The following ZMYM2 variants were observed in gnomAD, a reference collection of about 807,000 sequenced individuals.
ZMYM2 encodes zinc finger MYM-type protein 2.
ZMYM2 carries 56 observed loss-of-function variants against 162.8 expected under a neutral mutation model. The ratio of observed to expected loss-of-function variants is 0.34; its 90% CI spans 0.28 to 0.43. The LOEUF (loss-of-function observed/expected upper bound fraction) is 0.43, where lower values mean the gene tolerates loss of function less well. Among genes scored for constraint, ZMYM2 ranks in the 20% least tolerant of loss-of-function variants. The probability of loss-of-function intolerance (pLI) is 1.00; values close to 1 mark genes in which losing one functional copy is unlikely to be tolerated. For missense variants in ZMYM2, 1,275 were observed against 1,621.8 expected, an observed-to-expected ratio of 0.79 and a Z score of 3.67; for synonymous variants, 510 against 541.6, an observed-to-expected ratio of 0.94 and a Z score of 0.81.
chr13:19,961,243 CAT>C (rs1481844102), intron 2 of ZMYM2, among the ~76,000 whole-genome samples: 2 of 151,766 alleles, frequency 1.3e-5, no homozygotes, highest in African/African-American at 4.8e-5. Flanking sequence ...TAGTTTTTAA[CAT>C]GTGTTAAGTA....
the ZMYM2 span, among the ~76,000 whole-genome samples, chr13:19,948,730 C>T: frequency 2.0e-4 from 30 of 152,302 alleles, no homozygotes; most frequent in East Asian, 2.7e-3. Context: ...TGTAACAAAA[C>T]GTACCACTCT....
the ZMYM2 span, among the ~76,000 whole-genome samples, chr13:19,886,675 G>A: frequency 1.3e-5 from 2 of 151,368 alleles, no homozygotes; most frequent in Non-Finnish European, 2.9e-5. Context: ...TTGAGACAGG[G>A]TCTCATTCTG....
At chr13:20,049,312 T>G (rs1955100452) in intron 12 of ZMYM2, among the ~76,000 whole-genome samples, 1 of 151,958 alleles carries the variant, frequency 6.6e-6, no homozygotes, top group Non-Finnish European at 1.5e-5. Flanking sequence ...AGAAGGGAGC[T>G]TCAAGTGTTG....
chr13:19,873,725 T>A, the ZMYM2 span, among the ~76,000 whole-genome samples: 2 of 150,750 alleles, frequency 1.3e-5, no homozygotes, highest in Admixed American at 1.3e-4. Flanking sequence ...ATTTTAAACA[T>A]GTTCCTCTGG....
the ZMYM2 span, among the ~76,000 whole-genome samples, chr13:19,888,630 C>T: frequency 6.6e-6 from 1 of 151,700 alleles, no homozygotes; most frequent in African/African-American, 2.4e-5. Flanking sequence ...ACAGAGTTTG[C>T]CTCTTGTTCC....
At chr13:20,058,502 A>G in intron 14 of ZMYM2, 73 bp from the exon 15 acceptor site, 1 of 1,522,664 alleles carries the variant, frequency 6.6e-7, no homozygotes, top group Admixed American at 2.2e-5. Flanking sequence ...AGGACTGAAA[A>G]TCCTTCATTG....
intron 11 of ZMYM2, among the ~76,000 whole-genome samples, chr13:20,035,583 A>G (rs372912130): frequency 6.6e-6 from 1 of 152,212 alleles, no homozygotes; most frequent in Non-Finnish European, 1.5e-5. Flanking sequence ...TATGTCATTA[A>G]TTGTCTACCA....
upstream of ZMYM2, among the ~76,000 whole-genome samples, chr13:19,957,795 T>C (rs1954645361): frequency 6.6e-6 from 1 of 152,164 alleles, no homozygotes; most frequent in Non-Finnish European, 1.5e-5. Context: ...CTCCAACCGG[T>C]GGGAGCCCAG....
intron 3 of ZMYM2, 26 bp downstream of exon 3, chr13:19,993,945 C>A: frequency 6.4e-7 from 1 of 1,572,168 alleles, no homozygotes. Context: ...TACTCTACTT[C>A]ATGTAAATGA....
Position 20,039,783 on chromosome 13 carries a change from T to C in ZMYM2, c.2292+2874T>C, listed in dbSNP as rs564465138. Among the ~76,000 whole-genome samples, 6 of 152,278 alleles carry C rather than the reference T, an allele frequency of 3.9e-5. No homozygotes were observed. In the South Asian group the frequency reaches 1.0e-3, roughly 26 times the overall value. ...GAGCCACCGTCCCCAGCCTATTGAG[T>C]TTTTAACATGAAGGATGTTGAATTT... On this transcript the variant is annotated intron_variant, in intron 12 of 24. Coordinates refer to ENST00000610343, the MANE Select transcript of ZMYM2 (RefSeq NM_197968.4).
Position 19,976,346 on chromosome 13 carries a change from A to G in ZMYM2, c.-11+16320A>G, listed in dbSNP as rs147034700. Among the ~76,000 whole-genome samples the G allele has an allele frequency of 7.5e-3, 1,132 of 151,878 alleles. 12 individuals carry two copies. The highest frequency in any genetic ancestry group is 0.025 in the African/African-American group (1,031 of 41,454). ...CACCTCAAAAAAAAAAAAAGAAAGA[A>G]AGAAAGAAAGAAAAATAGCAATCCT... is the stretch of plus-strand genomic sequence containing the variant. On this transcript the variant is annotated intron_variant, in intron 2 of 24. Coordinates refer to ENST00000610343, the MANE Select transcript of ZMYM2 (RefSeq NM_197968.4).
At chr13:20,016,071 AC>A (rs1951601277) in intron 6 of ZMYM2, among the ~76,000 whole-genome samples, 1 of 151,476 alleles carries the variant, frequency 6.6e-6, no homozygotes, top group African/African-American at 2.4e-5. Context: ...TATATTCTAT[AC>A]CTTTTTTTTG....
In ZMYM2 at chr13:20,026,615, T is replaced by C. The variant is rs749720572; in HGVS notation, c.1588T>C (p.Tyr530His). 1 of 1,584,082 alleles carries C rather than the reference T, an allele frequency of 6.3e-7. No homozygotes were observed. The highest frequency in any genetic ancestry group is 2.0e-5 in the Admixed American group (1 of 49,474). The stretch of plus-strand genomic sequence containing the variant: ...CTTTTTATGTTTCAAATTTTAGAAA[T>C]ATGGAAAACTGACAACTTGTACTGG... ...QDSFLMQPEK[Y>H]GKLTTCTGCR... The change falls in exon 8 of 25, where the codon TAT becomes CAT. Residue 530 changes from tyrosine (Y) to histidine (H), a missense_variant. Physicochemically the swap from Tyr to His is moderately conservative, Grantham distance 83. Around this residue, in one of 10 missense-constraint regions of ZMYM2, gnomAD observed 276 missense variants for 311.8 expected, o/e 0.89. Coordinates refer to ENST00000610343, the MANE Select transcript of ZMYM2 (RefSeq NM_197968.4).
the ZMYM2 span, among the ~76,000 whole-genome samples, chr13:19,897,810 A>G: frequency 2.0e-5 from 3 of 152,132 alleles, no homozygotes; most frequent in Admixed American, 1.3e-4. Context: ...AAATTATACC[A>G]ATTATAAATA....
At chr13:20,066,128 G>T (rs1030862715) in intron 19 of ZMYM2, among the ~76,000 whole-genome samples, 16 of 152,286 alleles carry the variant, frequency 1.1e-4, no homozygotes, top group African/African-American at 3.9e-4. Context: ...AGGAATACCA[G>T]TCAGTTCAAA....
chr13:20,049,444 T>C (rs1955114811), intron 12 of ZMYM2, among the ~76,000 whole-genome samples: 1 of 152,012 alleles, frequency 6.6e-6, no homozygotes, highest in Admixed American at 6.6e-5. Flanking sequence ...TAAACGGAAA[T>C]ACTACTACTA....
chr13:19,975,255 A>G (rs1193410778), intron 2 of ZMYM2, among the ~76,000 whole-genome samples: 2 of 152,030 alleles, frequency 1.3e-5, no homozygotes, highest in African/African-American at 2.4e-5. Context: ...GACATTAAGT[A>G]CATTCACAGT....
At chr13:19,949,253 C>T in the ZMYM2 span, among the ~76,000 whole-genome samples, 1 of 151,916 alleles carries the variant, frequency 6.6e-6, no homozygotes, top group East Asian at 1.9e-4. Flanking sequence ...CTGCTACATA[C>T]AAAAATTAGC....
chr13:20,006,248 A>AAT (rs1181853441), intron 5 of ZMYM2, 126 bp from the exon 6 acceptor site: 7 of 554,138 alleles, frequency 1.3e-5, no homozygotes, highest in African/African-American at 5.6e-5. Context: ...AAAAAAAAAA[A>AAT]TTTTTTTTTT....
Sources: allele counts gnomAD v4.1 joint callset (sites outside exome capture counted in the v4.1 genomes callset), GRCh38; gene constraint gnomAD v4.1.1; regional missense constraint gnomAD v4.1.1; transcripts MANE v1.5; gene names NCBI Gene and HGNC (gene_info 2026-07-23, HGNC 2026-07-21).